Variants in SCLT1 observed in about 807,000 individuals in gnomAD.
SCLT1 encodes sodium channel-associated protein 1.
SCLT1 carries 78 observed loss-of-function variants against 112.8 expected under a neutral mutation model. The ratio of observed to expected loss-of-function variants is 0.69; its 90% CI spans 0.58 to 0.83. SCLT1 has a LOEUF of 0.83. Among genes scored for constraint, SCLT1 ranks in the 40% least tolerant of loss-of-function variants. The pLI is 0.00. For missense variants in SCLT1, 747 were observed against 770.4 expected (o/e 0.97, Z 0.36); for synonymous variants, 257 against 254.7 (o/e 1.01, Z -0.09).
At chr4:129,054,596 C>G (rs953848040) in intron 2 of SCLT1, among the ~76,000 whole-genome samples, 1 of 151,994 alleles carries the variant, frequency 6.6e-6, no homozygotes, top group Non-Finnish European at 1.5e-5. Context: ...TTTTTCAGCT[C>G]TGTCAGGTCA....
intron 15 of SCLT1, among the ~76,000 whole-genome samples, chr4:128,946,413 T>C (rs1738168499): frequency 6.6e-6 from 1 of 151,966 alleles, no homozygotes. Context: ...CTAAAAAAAG[T>C]ATTAAAAAAT....
chr4:128,945,242 T>C (rs1057045696), intron 16 of SCLT1, among the ~76,000 whole-genome samples: 4 of 152,160 alleles, frequency 2.6e-5, no homozygotes, highest in East Asian at 1.9e-4. Context: ...GATATACACA[T>C]TGGAGAGAAA....
chr4:128,937,903 T>A (rs1737350048), intron 17 of SCLT1, among the ~76,000 whole-genome samples: 1 of 152,202 alleles, frequency 6.6e-6, no homozygotes, highest in Non-Finnish European at 1.5e-5. Context: ...ATGACTTGCG[T>A]TCTTTCATCT....
rs563148671 is a variant in SCLT1 at position 128,895,755 on chromosome 4, A to T, written c.1830-4618T>A. Among the ~76,000 whole-genome samples the T allele has an allele frequency of 9.2e-5, 14 of 152,350 alleles. No homozygotes were observed. The South Asian group carries it at 2.9e-3, about 32-fold the overall frequency. ...GGGCGAGGCATTGCCTCACCTGGGA[A>T]GTGCAAGGGGTCAGGGAATTCCCTT... On this transcript the variant is annotated intron_variant, in intron 18 of 20. Transcript: ENST00000281142.
chr4:128,908,072 A>G (rs905629279), intron 18 of SCLT1, among the ~76,000 whole-genome samples: 2 of 152,324 alleles, frequency 1.3e-5, no homozygotes, highest in East Asian at 1.9e-4. Context: ...GATACAGTAC[A>G]AAGGAAAATT....
intron 9 of SCLT1, among the ~76,000 whole-genome samples, chr4:128,980,103 A>T (rs140369770): frequency 1.3e-5 from 2 of 152,198 alleles, no homozygotes; most frequent in Non-Finnish European, 2.9e-5. Context: ...CTGCCAACAC[A>T]TAAGGAACTG....
chr4:128,969,556 A>G (rs1740503956), intron 10 of SCLT1, among the ~76,000 whole-genome samples: 1 of 152,022 alleles, frequency 6.6e-6, no homozygotes, highest in Non-Finnish European at 1.5e-5. Flanking sequence ...TGGGTGACAC[A>G]GCGAGACTCT....
At chr4:129,058,644 G>A (rs556547897) in intron 2 of SCLT1, among the ~76,000 whole-genome samples, 2 of 152,054 alleles carry the variant, frequency 1.3e-5, no homozygotes, top group Non-Finnish European at 2.9e-5. Context: ...ATATCTCATG[G>A]AGAATGTTCC....
chr4:129,051,556 G>C (rs1748793511), intron 2 of SCLT1, among the ~76,000 whole-genome samples: 1 of 152,108 alleles, frequency 6.6e-6, no homozygotes, highest in South Asian at 2.1e-4. Flanking sequence ...GGAATGCTTG[G>C]ATTTTTGCAC....
At chr4:129,081,592 C>T (rs1341741310) in intron 2 of SCLT1, among the ~76,000 whole-genome samples, 1 of 152,158 alleles carries the variant, frequency 6.6e-6, no homozygotes, top group Non-Finnish European at 1.5e-5. Flanking sequence ...ACACTTTAAA[C>T]CACCAGATCT....
chr4:128,970,377 C>A lies in SCLT1; in HGVS notation c.777+1G>T. 1.3e-6 allele frequency: 2 copies of A among 1,532,046 alleles called. No homozygotes were observed. Among genetic ancestry groups the A allele is most frequent in the South Asian group, 1.1e-5 (1 of 89,060 alleles). The allele number at this position is 1,532,046 out of a possible 1,614,324, so 94.9% of individuals were successfully genotyped here. Reference sequence around the variant, plus strand: ...CCATTTGTCTTAGAAATAGAAAATACCTTCTTTTTCATCTGTCCCTGCAGA... The same window carrying A: ...CCATTTGTCTTAGAAATAGAAAATAACTTCTTTTTCATCTGTCCCTGCAGA... On this transcript the variant is annotated splice_donor_variant, in intron 10 of 20. Coordinates refer to ENST00000281142, the MANE Select transcript of SCLT1 (RefSeq NM_144643.4). LOFTEE classifies it high-confidence loss of function.
At chr4:129,071,024 G>A (rs183054010) in intron 2 of SCLT1, among the ~76,000 whole-genome samples, 61 of 152,152 alleles carry the variant, frequency 4.0e-4, no homozygotes, top group African/African-American at 1.3e-3. Flanking sequence ...TCTTGATTTC[G>A]TTTTTGACCC....
In SCLT1 at chr4:129,067,093, T is replaced by C. The variant is rs187912107; in HGVS notation, c.102+15213A>G. ...ACACAGGTATTAGTTTTATCTTCTA[T>C]ATTTTGATGTATGCTTGAGGTATAT... On this transcript the variant is annotated intron_variant, in intron 2 of 20. Transcript: ENST00000281142. 1.6e-3 allele frequency among the ~76,000 whole-genome samples: 247 copies of C among 152,308 alleles called. 1 individual carries two copies. Among genetic ancestry groups the C allele is most frequent in the Middle Eastern group, 6.8e-3 (2 of 294 alleles).
intron 5 of SCLT1, among the ~76,000 whole-genome samples, chr4:129,006,184 TA>T (rs1240157411): frequency 6.6e-6 from 1 of 152,016 alleles, no homozygotes; most frequent in East Asian, 1.9e-4. Context: ...ATTCATTTAA[TA>T]AAAAAATGTA....
rs768144691 is a variant in SCLT1, at chr4:128,946,010, G to T, written c.1436C>A (p.Thr479Asn). Residue 479 changes from threonine to asparagine, a missense_variant, in exon 16 of 21, where the codon ACT becomes AAT. Thr to Asn is a moderately conservative substitution (Grantham distance 65). This residue lies in a region of SCLT1 where 723 missense variants were observed against 721.3 expected (regional missense o/e 1.00). Coordinates refer to ENST00000281142, the MANE Select transcript of SCLT1 (RefSeq NM_144643.4). ...RAENRIKQLE[T>N]DSSEEISRYQ... is the part of the protein sequence containing the mutation. ...AAAATCCAAAAGAAAAACTTACTCA[G>T]TTTCAAGTTGTTTTATTCTATTTTC... 2 of 1,599,078 alleles carry T rather than the reference G, an allele frequency of 1.3e-6. No individual in the cohort carries two copies. The highest frequency in any genetic ancestry group is 1.1e-5 in the South Asian group (1 of 88,670).
At chr4:128,942,164 G>A (rs888768430) in intron 17 of SCLT1, among the ~76,000 whole-genome samples, 9 of 151,772 alleles carry the variant, frequency 5.9e-5, no homozygotes, top group African/African-American at 1.9e-4. Flanking sequence ...TTTTCATTTC[G>A]GAGTTCAAGG....
chr4:129,006,101 G>A (rs1743988383), intron 5 of SCLT1, among the ~76,000 whole-genome samples: 1 of 151,268 alleles, frequency 6.6e-6, no homozygotes, highest in Admixed American at 6.6e-5. Flanking sequence ...CACCAGCATG[G>A]CACAGGTATA....
At chr4:129,073,447 T>C (rs1449744981) in intron 2 of SCLT1, among the ~76,000 whole-genome samples, 2 of 152,192 alleles carry the variant, frequency 1.3e-5, no homozygotes, top group Non-Finnish European at 2.9e-5. Flanking sequence ...ATCAAAATCT[T>C]ATAAATTCTT....
At position 129,064,548 on chromosome 4, in the gene SCLT1, C is replaced by T. The variant is rs117975848; in HGVS notation, c.102+17758G>A. 6.4e-4 allele frequency among the ~76,000 whole-genome samples: 98 copies of T among 152,202 alleles called. 1 individual carries two copies. In the East Asian group the frequency reaches 0.016, roughly 25 times the overall value. ...TATAGTCTGCTTGCCTTCTTTCTAGCTTTCAGCATTGTATTTTTGTTTTAC... is the reference window on the plus strand; with the variant it reads ...TATAGTCTGCTTGCCTTCTTTCTAGTTTTCAGCATTGTATTTTTGTTTTAC... On this transcript the variant is annotated intron_variant, in intron 2 of 20. Transcript: ENST00000281142.
Sources: allele counts gnomAD v4.1 joint callset (sites outside exome capture counted in the v4.1 genomes callset), GRCh38; gene constraint gnomAD v4.1.1; regional missense constraint gnomAD v4.1.1; transcripts MANE v1.5; gene names NCBI Gene and HGNC (gene_info 2026-07-23, HGNC 2026-07-21).